TENM1: variants seen among roughly 807,000 people sequenced by gnomAD.
TENM1 encodes teneurin-1.
Under a neutral mutation model 174.8 loss-of-function variants are expected in TENM1, and 35 were observed. That is an observed-to-expected ratio of 0.20 (90% CI 0.15 to 0.27). TENM1 has a LOEUF of 0.27. TENM1 is among the 10% of genes least tolerant of loss of function. TENM1 has a pLI of 1.00. For missense variants in TENM1, 1,633 were observed against 2,130.1 expected (o/e 0.77, Z 4.59); for synonymous variants, 781 against 798.7 (o/e 0.98, Z 0.37).
the TENM1 span, among the ~76,000 whole-genome samples, chrX:124,986,493 T>C: frequency 1.8e-5 from 2 of 112,172 alleles, no homozygotes; most frequent in African/African-American, 6.5e-5. Flanking sequence ...GCACAATGTA[T>C]TGCACAACAA....
At chrX:124,422,540 C>T (rs1271249650) in exon 24 of TENM1, 22 of 1,209,046 alleles carry the variant, frequency 1.8e-5, no homozygotes, top group Non-Finnish European at 2.5e-5. Flanking sequence ...TCCGAACACG[C>T]CTGTTCTCAG....
chrX:124,726,923 T>C (rs192805959), intron 4 of TENM1, among the ~76,000 whole-genome samples: 1 of 112,420 alleles, frequency 8.9e-6, no homozygotes, highest in East Asian at 2.8e-4. Flanking sequence ...AGATAGAAAC[T>C]AGCTCTGGAA....
chrX:124,798,414 T>C (rs1282762866), intron 3 of TENM1, among the ~76,000 whole-genome samples: 1 of 112,146 alleles, frequency 8.9e-6, no homozygotes, highest in Middle Eastern at 4.3e-3. Flanking sequence ...CTCTTTGTGG[T>C]TTTGATTTGC....
intron 23 of TENM1, among the ~76,000 whole-genome samples, chrX:124,436,692 C>T (rs1395682470): frequency 9.1e-6 from 1 of 109,479 alleles, no homozygotes; most frequent in Non-Finnish European, 1.9e-5. Context: ...ATGGGGCTAG[C>T]TGGCATCTTC....
rs139732525 is a variant in TENM1, at chrX:124,415,651, A to G, written c.4982+4660T>C. The stretch of plus-strand genomic sequence containing the variant: ...ATCTAATGTCTCTTTGTGGCCATAA[A>G]ATTTCATGACTACCCCCATGTGGAT... On this transcript the variant is annotated intron_variant, in intron 25 of 31. Transcript: ENST00000422452. 2.5e-3 allele frequency among the ~76,000 whole-genome samples: 277 copies of G among 111,506 alleles called. 1 individual carries two copies. The highest frequency in any genetic ancestry group is 8.9e-3 in the African/African-American group (273 of 30,613).
chrX:124,931,106 GAGA>G (rs199621453), intron 1 of TENM1, among the ~76,000 whole-genome samples: 5,911 of 110,874 alleles, frequency 0.053, 370 homozygotes, highest in African/African-American at 0.18. Context: ...AACGCTGTCA[GAGA>G]AGAAGGCTTC....
At chrX:124,627,113 AG>A (rs1251140988) in intron 11 of TENM1, among the ~76,000 whole-genome samples, 3 of 111,511 alleles carry the variant, frequency 2.7e-5, no homozygotes, top group African/African-American at 9.8e-5. Flanking sequence ...GGAGGCTGAG[AG>A]GTGGTGATGG....
At chrX:124,401,169 C>T (rs1036710488) in intron 27 of TENM1, among the ~76,000 whole-genome samples, 6 of 111,454 alleles carry the variant, frequency 5.4e-5, no homozygotes, top group Non-Finnish European at 9.4e-5. Flanking sequence ...TAGGTCTATC[C>T]TTTTCTGATT....
At chrX:124,452,094 A>C (rs1339781128) in intron 23 of TENM1, among the ~76,000 whole-genome samples, 6 of 112,314 alleles carry the variant, frequency 5.3e-5, no homozygotes, top group Non-Finnish European at 7.5e-5. Flanking sequence ...CAACCTACAA[A>C]ATGGGAGAAA....
chrX:124,934,681 G>A (rs893045796), intron 1 of TENM1, among the ~76,000 whole-genome samples: 3 of 111,521 alleles, frequency 2.7e-5, no homozygotes, highest in Non-Finnish European at 5.6e-5. Flanking sequence ...TCCGGCAGAA[G>A]ATAGGAGCAG....
At chrX:124,637,384 G>C (rs1394932970) in intron 11 of TENM1, among the ~76,000 whole-genome samples, 2 of 110,727 alleles carry the variant, frequency 1.8e-5, no homozygotes, top group African/African-American at 6.6e-5. Flanking sequence ...CACCGCGCCT[G>C]GCCCCAAGTG....
chrX:124,422,587 A>C (rs2060666495), exon 24 of TENM1: 1 of 1,210,848 alleles, frequency 8.3e-7, no homozygotes, highest in African/African-American at 1.7e-5. Flanking sequence ...AAGACATACA[A>C]TGAATTGTCC....
At chrX:124,594,065 T>TGAG (rs1432319478) in intron 11 of TENM1, among the ~76,000 whole-genome samples, 1 of 112,365 alleles carries the variant, frequency 8.9e-6, no homozygotes, top group South Asian at 3.7e-4. Context: ...CTTTTCCTGG[T>TGAG]ATCTTTCTCT....
chrX:125,083,040 C>T, the TENM1 span, among the ~76,000 whole-genome samples: 2 of 111,284 alleles, frequency 1.8e-5, no homozygotes, highest in South Asian at 3.8e-4. Flanking sequence ...GGGACTTGAT[C>T]AATCTTGCTT....
the TENM1 span, among the ~76,000 whole-genome samples, chrX:125,143,900 T>C: frequency 7.1e-5 from 8 of 112,113 alleles, no homozygotes; most frequent in Non-Finnish European, 3.8e-5. Context: ...ATGTCCCTCA[T>C]GTCTCATTGA....
intron 3 of TENM1, among the ~76,000 whole-genome samples, chrX:124,750,714 A>G (rs1160762524): frequency 8.9e-6 from 1 of 111,905 alleles, no homozygotes; most frequent in Non-Finnish European, 1.9e-5. Flanking sequence ...AGTCTGAGAG[A>G]TGTGGAGAAC....
intron 17 of TENM1, among the ~76,000 whole-genome samples, chrX:124,521,911 C>T (rs1456104043): frequency 9.0e-6 from 1 of 111,722 alleles, no homozygotes; most frequent in Non-Finnish European, 1.9e-5. Flanking sequence ...TCTACCTTAG[C>T]CATTTGATAC....
At chrX:124,675,001 A>T (rs1194187609) in intron 5 of TENM1, among the ~76,000 whole-genome samples, 2 of 111,271 alleles carry the variant, frequency 1.8e-5, no homozygotes, top group African/African-American at 6.5e-5. Context: ...ATGTGGTGAG[A>T]TTCACTTCAA....
chrX:124,407,574 A>G lies in TENM1; in HGVS notation c.4983-1085T>C, dbSNP rs905664313. On this transcript the variant is annotated intron_variant, in intron 25 of 31. Transcript: ENST00000422452. ...TGGCATAGTAATTCAGTATCAATCC[A>G]TTATATTCTAAAAAACTCAGCCTGG... is the stretch of plus-strand genomic sequence containing the variant. Among the ~76,000 whole-genome samples, 4 of 112,420 alleles carry G rather than the reference A, an allele frequency of 3.6e-5. No homozygotes were observed. In the Admixed American group the frequency reaches 3.8e-4, roughly 11 times the overall value.
Sources: allele counts gnomAD v4.1 joint callset (sites outside exome capture counted in the v4.1 genomes callset), GRCh38; gene constraint gnomAD v4.1.1; transcripts MANE v1.5; gene names NCBI Gene and HGNC (gene_info 2026-07-23, HGNC 2026-07-21).